CBX8: variants seen among roughly 807,000 people sequenced by gnomAD.
CBX8 encodes the protein chromobox protein homolog 8.
A neutral mutation model predicts 39.7 loss-of-function variants in CBX8; 8 were observed. The observed-to-expected ratio is 0.20, with a 90% CI of 0.12 to 0.36. The LOEUF is 0.36. Ranked by LOEUF, CBX8 falls within the 10% of genes least tolerant of loss-of-function variation. The pLI, the probability that CBX8 is intolerant of heterozygous loss-of-function variation, is 1.00. For missense variants in CBX8, 505 were observed against 529.6 expected, an observed-to-expected ratio of 0.95 and a Z score of 0.46; for synonymous variants, 268 against 219.8, an observed-to-expected ratio of 1.22 and a Z score of -1.94.
At position 79,795,935 on chromosome 17, in the gene CBX8, T is replaced by G; in HGVS notation, c.246+122A>C. 1 of 862,606 alleles carries G rather than the reference T, an allele frequency of 1.2e-6. No individual in the cohort carries two copies. Among genetic ancestry groups the G allele is most frequent in the Non-Finnish European group, 1.9e-6 (1 of 528,674 alleles). 53.4% of individuals were successfully genotyped at this position (862,606 alleles called of 1,614,324 possible). On this transcript the variant is annotated intron_variant, in intron 4 of 4. Coordinates refer to ENST00000269385, the MANE Select transcript of CBX8 (RefSeq NM_020649.3). This position sits in a 1 kb window ranked among gnomAD's most constrained non-coding sequence, Gnocchi z 5.8. Reference sequence around the variant, plus strand: ...ACTTGGTGACATCTTGTCAGGGAACTCCCTCCTACATTACAAATAGGCAAC... The same window carrying G: ...ACTTGGTGACATCTTGTCAGGGAACGCCCTCCTACATTACAAATAGGCAAC...
chr17:79,796,330 G>C lies in CBX8; in HGVS notation c.114-15C>G. 6.2e-7 allele frequency: 1 copy of C among 1,614,036 alleles called. No homozygotes were observed. Among genetic ancestry groups the C allele is most frequent in the Non-Finnish European group, 8.5e-7 (1 of 1,179,898 alleles). On this transcript the variant is annotated splice_polypyrimidine_tract_variant and intron_variant, in intron 2 of 4. Coordinates refer to ENST00000269385, the MANE Select transcript of CBX8 (RefSeq NM_020649.3). ...ATGTGCTGTACCTAAAGGGAATCAG[G>C]AAGAAGTGGGCATCAGTCCCAGGAG...
Position 79,795,126 on chromosome 17 carries a change from TGAG to T in CBX8, c.676_678del (p.Leu226del). 1 of 1,613,550 alleles carries T rather than the reference TGAG, an allele frequency of 6.2e-7. No homozygotes were observed. Among genetic ancestry groups the T allele is most frequent in the Non-Finnish European group, 8.5e-7 (1 of 1,179,880 alleles). The stretch of plus-strand genomic sequence containing the variant: ...GGGGTGTCGTCCAGCTTCCTGCCCT[TGAG>T]GTACTCTCCGAGGCCGGCGCTGGGT... On this transcript the variant is annotated inframe_deletion, in exon 5 of 5. Coordinates refer to ENST00000269385, the MANE Select transcript of CBX8 (RefSeq NM_020649.3). This position sits in a 1 kb window ranked among gnomAD's most constrained non-coding sequence, Gnocchi z 5.8.
Position 79,795,335 on chromosome 17 carries a change from TCC to T in CBX8, c.468_469del (p.Asp157ProfsTer18). 6.3e-7 allele frequency: 1 copy of T among 1,584,500 alleles called. No individual in the cohort carries two copies. The highest frequency in any genetic ancestry group is 8.6e-7 in the Non-Finnish European group (1 of 1,164,064). On this transcript the variant is annotated frameshift_variant, in exon 5 of 5. Transcript: ENST00000269385. LOFTEE classifies it high-confidence loss of function. The surrounding 1 kb of genome is among the most constrained non-coding windows in gnomAD (Gnocchi z 5.8). ...CTCCCTTTCTCGATCCCGCTCCCGGTCCCTATCCCGGTCTCGGTCCCGGTCCC... is the reference window on the plus strand; with the variant it reads ...CTCCCTTTCTCGATCCCGCTCCCGGTCTATCCCGGTCTCGGTCCCGGTCCC...
rs1398034062 is a variant in CBX8 at position 79,795,309 on chromosome 17, T to A, written c.496A>T (p.Arg166Trp). 1.3e-6 allele frequency: 2 copies of A among 1,586,326 alleles called. No homozygotes were observed. The highest frequency in any genetic ancestry group is 2.7e-5 in the African/African-American group (2 of 74,604). Residue 166 changes from arginine to tryptophan, a missense_variant, in exon 5 of 5, where the codon AGG becomes TGG. Around this residue, in one of 3 missense-constraint regions of CBX8, gnomAD observed 456 missense variants for 389.2 expected, o/e 1.17. Transcript: ENST00000269385. The surrounding 1 kb of genome is among the most constrained non-coding windows in gnomAD (Gnocchi z 5.8). ...RDRERDRERE[R>W]ERERERERER... The stretch of plus-strand genomic sequence containing the variant: ...CGTTCCCGCTCCCTCTCTCGCTCCC[T>A]CTCCCTTTCTCGATCCCGCTCCCGG...
chr17:79,792,313 C>A lies in CBX8; in HGVS notation c.*2322G>T, dbSNP rs961422569. ...CACACACCCTGCGCGGTTGCAGACTCCCAGCCACGTGGCCCCCGGCCCCTG... is the reference window on the plus strand; with the variant it reads ...CACACACCCTGCGCGGTTGCAGACTACCAGCCACGTGGCCCCCGGCCCCTG... On this transcript the variant is annotated 3_prime_UTR_variant, in exon 5 of 5. Transcript: ENST00000269385. 3 of 152,252 alleles carry A rather than the reference C, an allele frequency of 2.0e-5. No individual in the cohort carries two copies. The highest frequency in any genetic ancestry group is 2.9e-5 in the Non-Finnish European group (2 of 68,094). The allele number at this position is 152,252 out of a possible 1,614,324, so 9.4% of individuals were successfully genotyped here. A position where few individuals can be genotyped will look rare whatever the true frequency, so the allele number is the denominator to read the frequency against.
rs760319922 is a variant in CBX8 at position 79,795,416 on chromosome 17, G to A, written c.389C>T (p.Ser130Phe). 3.7e-6 allele frequency: 6 copies of A among 1,604,656 alleles called. No individual in the cohort carries two copies. In the African/African-American group the frequency reaches 6.7e-5, roughly 18 times the overall value. Residue 130 changes from serine (S) to phenylalanine (F), a missense_variant, in exon 5 of 5, where the codon TCC becomes TTC. By Grantham distance (155) the Ser-to-Phe change is radical (BLOSUM62 -2). Coordinates refer to ENST00000269385, the MANE Select transcript of CBX8 (RefSeq NM_020649.3). The surrounding 1 kb of genome is among the most constrained non-coding windows in gnomAD (Gnocchi z 5.8). ...AREGLRNMGL[S>F]PPASSTSTSS... ...GGTGCTGGTGCTGCTCGCTGGCGGG[G>A]ACAAACCCATGTTTCGAAGGCCCTC...
rs750897604 is a variant in CBX8, at chr17:79,796,306, T to C, written c.123A>G (p.Thr41=). The C allele has an allele frequency of 1.7e-5, 27 of 1,614,020 alleles. No individual in the cohort carries two copies. The highest frequency in any genetic ancestry group is 1.6e-4 in the Middle Eastern group (1 of 6,084). Reference sequence around the variant, plus strand: ...CCAGGATGTTTTCCTCCGGTTCCCATGTGCTGTACCTAAAGGGAATCAGGA... The same window carrying C: ...CCAGGATGTTTTCCTCCGGTTCCCACGTGCTGTACCTAAAGGGAATCAGGA... The part of the protein sequence containing the change: ...KWKGWSQKYS[T]WEPEENILDA... The change falls in exon 3 of 5, where the codon ACA becomes ACG. Residue 41 remains threonine (T), a synonymous_variant. Transcript: ENST00000269385.
intron 2 of CBX8, 30 bp from the exon 3 acceptor site, chr17:79,796,345 A>T (rs756155589): frequency 6.2e-7 from 1 of 1,612,118 alleles, no homozygotes; most frequent in Admixed American, 1.7e-5. Context: ...AGTGGGCATC[A>T]GTCCCAGGAG....
chr17:79,794,468 AAAAACT>A lies in CBX8; in HGVS notation c.*161_*166del, dbSNP rs1413198905. On this transcript the variant is annotated 3_prime_UTR_variant, in exon 5 of 5. Coordinates refer to ENST00000269385, the MANE Select transcript of CBX8 (RefSeq NM_020649.3). The stretch of plus-strand genomic sequence containing the variant: ...TAACTCTAGAGATAATCTTTCCAAC[AAAAACT>A]GAGGGGGAGGAAGGAGGGATGAAAG... The A allele has an allele frequency of 2.0e-5, 10 of 510,894 alleles. No homozygotes were observed. Among genetic ancestry groups the A allele is most frequent in the Non-Finnish European group, 2.8e-5 (8 of 285,950 alleles). 31.6% of individuals were successfully genotyped at this position (510,894 alleles called of 1,614,324 possible).
In CBX8 at chr17:79,795,753, A is replaced by G. The variant is rs1234154662; in HGVS notation, c.247-195T>C. Among the ~76,000 whole-genome samples the G allele has an allele frequency of 6.6e-6, 1 of 152,164 alleles. No homozygotes were observed. Among genetic ancestry groups the G allele is most frequent in the Non-Finnish European group, 1.5e-5 (1 of 68,018 alleles). On this transcript the variant is annotated intron_variant, in intron 4 of 4. Transcript: ENST00000269385. The surrounding 1 kb of genome is among the most constrained non-coding windows in gnomAD (Gnocchi z 5.8). ...GATGGCTGTTGGAGCTGAGAGGTAG[A>G]AGGATGAGAGAAGAGGTAGAAGATT...
Position 79,796,278 on chromosome 17 carries a change from C to T in CBX8, c.151G>A (p.Ala51Thr), listed in dbSNP as rs145403346. 6.2e-6 allele frequency: 10 copies of T among 1,614,046 alleles called. No individual in the cohort carries two copies. Among genetic ancestry groups the T allele is most frequent in the Non-Finnish European group, 7.6e-6 (9 of 1,180,032 alleles). Residue 51 changes from alanine (A) to threonine (T), a missense_variant, in exon 3 of 5, where the codon GCT (alanine) becomes ACT (threonine). Physicochemically the swap from Ala to Thr is moderately conservative, Grantham distance 58 (BLOSUM62 0). Coordinates refer to ENST00000269385, the MANE Select transcript of CBX8 (RefSeq NM_020649.3). ...TWEPEENILD[A>T]RLLAAFEERE... is the part of the protein sequence containing the mutation. ...TCCTCAAAGGCTGCGAGCAAGCGAG[C>T]ATCCAGGATGTTTTCCTCCGGTTCC...
At chr17:79,796,221 G>C (rs972735371) in intron 3 of CBX8, 29 bp downstream of exon 3, 2 of 1,613,942 alleles carry the variant, frequency 1.2e-6, no homozygotes, top group Non-Finnish European at 1.7e-6. Context: ...GTTTCTAAGT[G>C]AGCGGCTGGG....
rs1307934673 is a variant in CBX8 at position 79,795,915 on chromosome 17, G to T, written c.246+142C>A. ...CACAGTTGGTGCTGCTACTGACTTGGTGACATCTTGTCAGGGAACTCCCTC... is the reference window on the plus strand; with the variant it reads ...CACAGTTGGTGCTGCTACTGACTTGTTGACATCTTGTCAGGGAACTCCCTC... On this transcript the variant is annotated intron_variant, in intron 4 of 4. Coordinates refer to ENST00000269385, the MANE Select transcript of CBX8 (RefSeq NM_020649.3). The surrounding 1 kb of genome is among the most constrained non-coding windows in gnomAD (Gnocchi z 5.8). The T allele has an allele frequency of 3.9e-6, 3 of 775,694 alleles. No individual in the cohort carries two copies. The highest frequency in any genetic ancestry group is 4.9e-5 in the East Asian group (2 of 41,012). The allele number at this position is 775,694 out of a possible 1,614,324, so 48.1% of individuals were successfully genotyped here. A position where few individuals can be genotyped will look rare whatever the true frequency, so the allele number is the denominator to read the frequency against.
At position 79,795,400 on chromosome 17, in the gene CBX8, G is replaced by A. The variant is rs770332231; in HGVS notation, c.405C>T (p.Ser135=). The part of the protein sequence containing the change: ...RNMGLSPPAS[S]TSTSSTCRAE... The stretch of plus-strand genomic sequence containing the variant: ...CGCGGCAGGTGCTGCTGGTGCTGGT[G>A]CTGCTCGCTGGCGGGGACAAACCCA... Residue 135 remains serine, a synonymous_variant, in exon 5 of 5, where the codon AGC becomes AGT. Coordinates refer to ENST00000269385, the MANE Select transcript of CBX8 (RefSeq NM_020649.3). The surrounding 1 kb of genome is among the most constrained non-coding windows in gnomAD (Gnocchi z 5.8). 3 of 1,602,510 alleles carry A rather than the reference G, an allele frequency of 1.9e-6. No homozygotes were observed. Among genetic ancestry groups the A allele is most frequent in the Non-Finnish European group, 1.7e-6 (2 of 1,175,610 alleles).
intron 2 of CBX8, 38 bp downstream of exon 2, chr17:79,796,459 A>T: frequency 6.2e-7 from 1 of 1,613,468 alleles, no homozygotes; most frequent in South Asian, 1.1e-5. Flanking sequence ...CCTCCCGAAT[A>T]ACAGTCTGGG....
rs1158453814 is a variant in CBX8, at chr17:79,794,092, C to T, written c.*543G>A. On this transcript the variant is annotated 3_prime_UTR_variant, in exon 5 of 5. Coordinates refer to ENST00000269385, the MANE Select transcript of CBX8 (RefSeq NM_020649.3). Reference sequence around the variant, plus strand: ...AGGAAAACAGACTGACCCCACCCCCCCTTTTTTCTGATTGGGGAGCCAACC... The same window carrying T: ...AGGAAAACAGACTGACCCCACCCCCTCTTTTTTCTGATTGGGGAGCCAACC... The T allele has an allele frequency of 6.6e-6, 1 of 152,132 alleles. No individual in the cohort carries two copies. Among genetic ancestry groups the T allele is most frequent in the Non-Finnish European group, 1.5e-5 (1 of 68,024 alleles). 9.4% of individuals were successfully genotyped at this position (152,132 alleles called of 1,614,324 possible).
At chr17:79,796,862 GGGGAGGGAACCCGGGCC>G in intron 1 of CBX8, 51 bp downstream of exon 1, 2 of 1,442,948 alleles carry the variant, frequency 1.4e-6, no homozygotes, top group South Asian at 2.4e-5. Context: ...GCTGCAGCAG[GGGGAGGGAACCCGGGCC>G]GGGAGGGGAG....
At chr17:79,796,726 C>T (rs1444010831) in intron 1 of CBX8, among the ~76,000 whole-genome samples, 186 bp from the exon 2 acceptor site, 1 of 134,940 alleles carries the variant, frequency 7.4e-6, no homozygotes. Context: ...CATTCCCCAC[C>T]CCGCCCCCCA....
chr17:79,793,304 T>G lies in CBX8; in HGVS notation c.*1331A>C, dbSNP rs959403059. 1.1e-4 allele frequency: 17 copies of G among 152,068 alleles called. No individual in the cohort carries two copies. The highest frequency in any genetic ancestry group is 4.1e-4 in the African/African-American group (17 of 41,414). 9.4% of individuals were successfully genotyped at this position (152,068 alleles called of 1,614,324 possible). A position where few individuals can be genotyped will look rare whatever the true frequency, so the allele number is the denominator to read the frequency against. The stretch of plus-strand genomic sequence containing the variant: ...GCGAATCGAAAAGACCTATAAATTA[T>G]AGCTTTTGCTTTTAAGAAGGACGGG... On this transcript the variant is annotated 3_prime_UTR_variant, in exon 5 of 5. Transcript: ENST00000269385.
Sources: gnomAD v4.1 joint callset for allele counts (sites outside exome capture counted in the v4.1 genomes callset) on GRCh38, gnomAD v4.1.1 for gene constraint, gnomAD v4.1.1 regional missense constraint, Gnocchi (gnomAD v3.1) non-coding constraint, MANE v1.5 for transcripts, NCBI Gene and HGNC (gene_info 2026-07-23, HGNC 2026-07-21) for gene names.